Variants in SREK1 observed in about 807,000 individuals in gnomAD.
SREK1 encodes the protein splicing regulatory glutamine/lysine-rich protein 1.
In SREK1, 13 loss-of-function variants were observed where a neutral mutation model predicts 66.5. The ratio of observed to expected loss-of-function variants is 0.20; its 90% CI spans 0.13 to 0.31. The LOEUF (loss-of-function observed/expected upper bound fraction) is 0.31, where lower values mean the gene tolerates loss of function less well. SREK1 is among the 10% of genes least tolerant of loss of function. The pLI is 1.00. For missense variants in SREK1, 607 were observed against 769.6 expected (o/e 0.79, Z 2.50); for synonymous variants, 265 against 263.5 (o/e 1.01, Z -0.05).
Position 66,170,959 on chromosome 5 carries a change from C to G in SREK1, c.1484+12C>G. 6.3e-7 allele frequency: 1 copy of G among 1,574,896 alleles called. No individual in the cohort carries two copies. The highest frequency in any genetic ancestry group is 8.6e-7 in the Non-Finnish European group (1 of 1,166,412). ...CGTAGTTCCAGCAGGTTTGATAATG[C>G]TTAAAATTTTTACAAAGGGATTTGC... On this transcript the variant is annotated intron_variant, in intron 9 of 11. Transcript: ENST00000334121.
At chr5:66,171,180 G>T (rs1483986298) in intron 9 of SREK1, among the ~76,000 whole-genome samples, 2 of 152,124 alleles carry the variant, frequency 1.3e-5, no homozygotes, top group African/African-American at 4.8e-5. Flanking sequence ...TATTTTAATA[G>T]AATAATAATA....
chr5:66,151,277 C>G (rs1317777327), intron 1 of SREK1, among the ~76,000 whole-genome samples: 1 of 152,198 alleles, frequency 6.6e-6, no homozygotes, highest in Non-Finnish European at 1.5e-5. Context: ...AAGAGTCAAA[C>G]AGTGGTTCTC....
chr5:66,162,078 G>A (rs1418435055), intron 3 of SREK1, 31 bp from the exon 4 acceptor site: 2 of 1,603,050 alleles, frequency 1.2e-6, no homozygotes, highest in Admixed American at 3.5e-5. Context: ...GAAAATATGT[G>A]TTCTGTGTGT....
chr5:66,170,192 A>T (rs1306050282), intron 8 of SREK1, 22 bp downstream of exon 8: 1 of 1,597,720 alleles, frequency 6.3e-7, no homozygotes, highest in Non-Finnish European at 8.5e-7. Context: ...AGAAATTAAC[A>T]ATAATTTTTT....
Position 66,144,528 on chromosome 5 carries a change from A to C in SREK1, c.152A>C (p.Tyr51Ser). The C allele has an allele frequency of 6.4e-7, 1 of 1,551,484 alleles. No homozygotes were observed. Among genetic ancestry groups the C allele is most frequent in the Non-Finnish European group, 8.7e-7 (1 of 1,147,080 alleles). ...GGAGAAATCGAGGAGCTGCGGCTCT[A>C]CCCCCCGGAGTAAGTGCTGGAGCTC... ...FLGEIEELRLYPPDNAPLAFS... is the reference protein window; with the variant it reads ...FLGEIEELRLSPPDNAPLAFS... Residue 51 changes from tyrosine (Y) to serine (S), a missense_variant, in exon 1 of 12, where the codon TAC becomes TCC. Physicochemically the swap from Tyr to Ser is moderately radical, Grantham distance 144 (BLOSUM62 -2). Around this residue, in one of 5 missense-constraint regions of SREK1, gnomAD observed 75 missense variants for 72.9 expected, o/e 1.03. Transcript: ENST00000334121.
chr5:66,159,626 A>G (rs1205075827), intron 3 of SREK1, among the ~76,000 whole-genome samples: 2 of 152,192 alleles, frequency 1.3e-5, no homozygotes, highest in African/African-American at 4.8e-5. Context: ...TAGAGGATCT[A>G]GGTAACTGTA....
chr5:66,170,263 A>T lies in SREK1; in HGVS notation c.1121+93A>T, dbSNP rs933434420. On this transcript the variant is annotated intron_variant, in intron 8 of 11. Transcript: ENST00000334121. ...TTTTAATTGGCTTCATTTGTTAAAA[A>T]TCTGTTGTGGTTTAGGTTTTTAATG... The T allele has an allele frequency of 1.5e-5, 22 of 1,448,264 alleles. No individual in the cohort carries two copies. In the African/African-American group the frequency reaches 2.6e-4, roughly 17 times the overall value. The allele number at this position is 1,448,264 out of a possible 1,614,324, so 89.7% of individuals were successfully genotyped here.
chr5:66,145,305 ATAT>A (rs1743079848), intron 1 of SREK1: 4 of 383,740 alleles, frequency 1.0e-5, no homozygotes, highest in African/African-American at 2.2e-5. Flanking sequence ...CCCTCGTACG[ATAT>A]TATTTAGAAA....
chr5:66,177,775 C>A, intron 11 of SREK1, 117 bp downstream of exon 11: 1 of 782,324 alleles, frequency 1.3e-6, no homozygotes, highest in Non-Finnish European at 1.8e-6. Context: ...CATTTTATGG[C>A]ATTTTAAAAT....
intron 1 of SREK1, chr5:66,145,002 G>T (rs1743039840): frequency 1.0e-6 from 1 of 986,740 alleles, no homozygotes; most frequent in African/African-American, 1.7e-5. Context: ...AAAGCCTGCT[G>T]CTGGTGACAA....
chr5:66,162,669 T>C lies in SREK1; in HGVS notation c.755+77T>C, dbSNP rs1740670083. 2.1e-5 allele frequency: 30 copies of C among 1,422,434 alleles called. No homozygotes were observed. In the East Asian group the frequency reaches 7.1e-4, roughly 34 times the overall value. 88.1% of individuals were successfully genotyped at this position (1,422,434 alleles called of 1,614,324 possible). A position where few individuals can be genotyped will look rare whatever the true frequency, so the allele number is the denominator to read the frequency against. ...TTTTTGATGTAATGAAGGCTTTTTT[T>C]TTCTTTTTAATAGTAATTGGCAATT... On this transcript the variant is annotated intron_variant, in intron 5 of 11. Coordinates refer to ENST00000334121, the MANE Select transcript of SREK1 (RefSeq NM_001077199.3).
At chr5:66,176,503 T>C (rs1187681411) in intron 10 of SREK1, among the ~76,000 whole-genome samples, 1 of 152,118 alleles carries the variant, frequency 6.6e-6, no homozygotes, top group East Asian at 1.9e-4. Context: ...ATTCGATTTA[T>C]AAATTAACTT....
Position 66,153,552 on chromosome 5 carries a change from C to T in SREK1, c.251C>T (p.Thr84Met), listed in dbSNP as rs373724361. The change falls in exon 2 of 12, where the codon ACG becomes ATG. Residue 84 changes from threonine (T) to methionine (M), a missense_variant. By Grantham distance (81) the Thr-to-Met change is moderately conservative. This residue lies in a region of SREK1 where 99 missense variants were observed against 186.6 expected (regional missense o/e 0.53). Coordinates refer to ENST00000334121, the MANE Select transcript of SREK1 (RefSeq NM_001077199.3). ...SVGVAQHLTN[T>M]VFIDRALIVV... ...GGCGTGGCCCAGCATCTAACTAACA[C>T]GGTTTTTATTGACAGAGCTCTGATA... 1.9e-6 allele frequency: 3 copies of T among 1,613,930 alleles called. No homozygotes were observed. In the African/African-American group the frequency reaches 4.0e-5, roughly 22 times the overall value.
chr5:66,170,990 A>C, intron 9 of SREK1, 43 bp downstream of exon 9: 1 of 1,550,560 alleles, frequency 6.4e-7, no homozygotes, highest in Non-Finnish European at 8.7e-7. Flanking sequence ...TTTGCTGATG[A>C]CAATTGGAAA....
chr5:66,155,671 C>T (rs1047855972), intron 2 of SREK1, among the ~76,000 whole-genome samples: 4 of 152,100 alleles, frequency 2.6e-5, no homozygotes, highest in Non-Finnish European at 5.9e-5. Context: ...TGAGAAAAAC[C>T]ATAGAAAAAA....
Position 66,170,639 on chromosome 5 carries a change from G to A in SREK1, c.1176G>A (p.Glu392=). The A allele has an allele frequency of 6.2e-7, 1 of 1,612,730 alleles. No individual in the cohort carries two copies. The highest frequency in any genetic ancestry group is 8.5e-7 in the Non-Finnish European group (1 of 1,179,756). The change falls in exon 9 of 12, where the codon GAG becomes GAA. Residue 392 remains glutamate, a synonymous_variant. Transcript: ENST00000334121. Reference sequence around the variant, plus strand: ...TCAAGGAAAAGGAAAGAGTGAAAGAGAAAGACAGGGAAAAGGAGAGAGAGA... The same window carrying A: ...TCAAGGAAAAGGAAAGAGTGAAAGAAAAAGACAGGGAAAAGGAGAGAGAGA... The part of the protein sequence containing the change: ...EKIKEKERVK[E]KDREKERERE...
At chr5:66,172,987 A>T (rs570548084) in intron 9 of SREK1, among the ~76,000 whole-genome samples, 2 of 151,534 alleles carry the variant, frequency 1.3e-5, no homozygotes, top group East Asian at 3.9e-4. Context: ...GTGCCACCAC[A>T]CTCAACTGAT....
intron 10 of SREK1, among the ~76,000 whole-genome samples, chr5:66,175,465 C>T (rs1203254580): frequency 1.3e-5 from 2 of 152,056 alleles, no homozygotes; most frequent in African/African-American, 2.4e-5. Flanking sequence ...CGTTGTATGG[C>T]CATACCTTAG....
Position 66,180,375 on chromosome 5 carries a change from G to T in SREK1, c.*1507G>T, listed in dbSNP as rs1055463602. 1 of 152,538 alleles carries T rather than the reference G, an allele frequency of 6.6e-6. No individual in the cohort carries two copies. The highest frequency in any genetic ancestry group is 2.4e-5 in the African/African-American group (1 of 41,430). 9.4% of individuals were successfully genotyped at this position (152,538 alleles called of 1,614,324 possible). A position where few individuals can be genotyped will look rare whatever the true frequency, so the allele number is the denominator to read the frequency against. On this transcript the variant is annotated 3_prime_UTR_variant, in exon 12 of 12. Transcript: ENST00000334121. ...ATTTTAATGCAATCTAATACAATCA[G>T]ATTACTCAGTTGCCTTACCTCATGG...
Sources: gnomAD v4.1 joint callset for allele counts (sites outside exome capture counted in the v4.1 genomes callset) on GRCh38, gnomAD v4.1.1 for gene constraint, gnomAD v4.1.1 regional missense constraint, MANE v1.5 for transcripts, NCBI Gene and HGNC (gene_info 2026-07-23, HGNC 2026-07-21) for gene names.